The following LUZP2 variants were observed in gnomAD, a reference collection of about 807,000 sequenced individuals.
LUZP2 encodes the protein leucine zipper protein 2.
A neutral mutation model predicts 51.6 loss-of-function variants in LUZP2; 52 were observed. The ratio of observed to expected loss-of-function variants is 1.01; its 90% CI spans 0.81 to 1.27. The LOEUF is 1.27. LUZP2 is among the 50% of genes most tolerant of loss of function. The pLI, the probability that LUZP2 is intolerant of heterozygous loss-of-function variation, is 0.00. For synonymous variants in LUZP2, 154 were observed against 137.3 expected (o/e 1.12, Z -0.85); for missense variants, 436 against 395.4 (o/e 1.10, Z -0.87).
chr11:24,874,343 G>T (rs552054519), intron 5 of LUZP2, among the ~76,000 whole-genome samples: 2 of 152,222 alleles, frequency 1.3e-5, no homozygotes, highest in South Asian at 2.1e-4. Flanking sequence ...ACACTCAGGG[G>T]GCTGTAGGCA....
intron 9 of LUZP2, among the ~76,000 whole-genome samples, chr11:25,034,793 T>G (rs1314780153): frequency 6.6e-6 from 1 of 152,130 alleles, no homozygotes; most frequent in East Asian, 1.9e-4. Context: ...TCTGTTTTTG[T>G]GCTAGTACTA....
chr11:24,824,945 C>T (rs980633159), intron 5 of LUZP2, among the ~76,000 whole-genome samples: 4 of 152,100 alleles, frequency 2.6e-5, no homozygotes, highest in South Asian at 4.1e-4. Flanking sequence ...GTTAATGAAA[C>T]TATAGGCTCT....
chr11:24,853,980 C>G (rs895555947), intron 5 of LUZP2, among the ~76,000 whole-genome samples: 3 of 152,078 alleles, frequency 2.0e-5, no homozygotes, highest in Non-Finnish European at 4.4e-5. Context: ...CCGCCTGTTC[C>G]TCCCTCTGGA....
At chr11:24,593,692 C>T (rs1428708794) in intron 1 of LUZP2, among the ~76,000 whole-genome samples, 1 of 152,182 alleles carries the variant, frequency 6.6e-6, no homozygotes, top group Non-Finnish European at 1.5e-5. Flanking sequence ...TAGAACAGTA[C>T]CCGCAGTGAG....
At chr11:24,776,778 G>A (rs1194884765) in intron 5 of LUZP2, among the ~76,000 whole-genome samples, 1 of 152,124 alleles carries the variant, frequency 6.6e-6, no homozygotes, top group African/African-American at 2.4e-5. Flanking sequence ...CTAGTCATAT[G>A]ATGGTAGGAA....
chr11:24,906,950 T>G (rs575476491), intron 6 of LUZP2, among the ~76,000 whole-genome samples: 33 of 152,190 alleles, frequency 2.2e-4, no homozygotes, highest in Non-Finnish European at 3.5e-4. Flanking sequence ...GTCTCAGAGT[T>G]GTCTAGAAGT....
At chr11:24,890,807 A>T in intron 5 of LUZP2, 1 of 623,948 alleles carries the variant, frequency 1.6e-6, no homozygotes, top group Non-Finnish European at 2.0e-6. Flanking sequence ...GTACATATTT[A>T]TATGAATATG....
At chr11:25,063,457 AAGAC>A (rs1381556877) in intron 10 of LUZP2, among the ~76,000 whole-genome samples, 2 of 151,980 alleles carry the variant, frequency 1.3e-5, no homozygotes, top group African/African-American at 2.4e-5. Flanking sequence ...AGCATTGTAA[AAGAC>A]AGAAAGGGAA....
chr11:24,874,528 C>A (rs575411056), intron 5 of LUZP2, among the ~76,000 whole-genome samples: 1 of 152,248 alleles, frequency 6.6e-6, no homozygotes, highest in African/African-American at 2.4e-5. Context: ...CTGTGCCATG[C>A]TGCACCGGAT....
chr11:24,889,439 T>C (rs1273851082), intron 5 of LUZP2, among the ~76,000 whole-genome samples: 2 of 152,212 alleles, frequency 1.3e-5, no homozygotes, highest in African/African-American at 4.8e-5. Context: ...AAATCTATTC[T>C]CAGATAAACT....
At chr11:24,671,959 T>C (rs1856414318) in intron 1 of LUZP2, among the ~76,000 whole-genome samples, 1 of 152,112 alleles carries the variant, frequency 6.6e-6, no homozygotes, top group Admixed American at 6.6e-5. Flanking sequence ...AACCACTCAA[T>C]TTGCCATGCA....
intron 10 of LUZP2, among the ~76,000 whole-genome samples, chr11:25,055,384 T>A (rs1858655538): frequency 6.6e-6 from 1 of 152,168 alleles, no homozygotes. Context: ...TTCTTTTGTC[T>A]TTATTTTTCT....
chr11:24,984,527 T>TAC (rs1554949978), intron 9 of LUZP2, among the ~76,000 whole-genome samples: 1 of 62,770 alleles, frequency 1.6e-5, no homozygotes, highest in East Asian at 4.8e-4. Flanking sequence ...ACATATTTTA[T>TAC]ATATATATAT....
At chr11:25,049,597 A>G (rs887779687) in intron 9 of LUZP2, among the ~76,000 whole-genome samples, 5 of 152,256 alleles carry the variant, frequency 3.3e-5, no homozygotes, top group African/African-American at 9.6e-5. Flanking sequence ...TCCACTATGT[A>G]TATTATGAAG....
At chr11:24,961,700 C>G (rs113821005) in intron 7 of LUZP2, among the ~76,000 whole-genome samples, 2,544 of 152,150 alleles carry the variant, frequency 0.017, 38 homozygotes, top group South Asian at 0.083. Context: ...ACTCTTTATC[C>G]AATTTGCCTG....
chr11:24,735,658 A>G (rs1225435254), intron 3 of LUZP2, among the ~76,000 whole-genome samples: 1 of 151,978 alleles, frequency 6.6e-6, no homozygotes, highest in Admixed American at 6.6e-5. Flanking sequence ...TTTTATAGCT[A>G]TAATTTGGGA....
chr11:24,539,167 G>A (rs986973155), intron 1 of LUZP2, among the ~76,000 whole-genome samples: 2 of 151,694 alleles, frequency 1.3e-5, no homozygotes, highest in African/African-American at 2.4e-5. Flanking sequence ...TAAAACATTG[G>A]ATCTGGAACA....
intron 7 of LUZP2, among the ~76,000 whole-genome samples, chr11:24,934,428 C>T (rs1195201458): frequency 6.6e-6 from 1 of 152,130 alleles, no homozygotes; most frequent in Non-Finnish European, 1.5e-5. Flanking sequence ...TCTATTATTT[C>T]CCGTTCTTAC....
chr11:25,013,117 G>A (rs191658235), intron 9 of LUZP2, among the ~76,000 whole-genome samples: 12 of 152,124 alleles, frequency 7.9e-5, no homozygotes, highest in East Asian at 7.7e-4. Flanking sequence ...GAAATAAGCC[G>A]GGGACCAAAA....
Sources: allele counts gnomAD v4.1 joint callset (sites outside exome capture counted in the v4.1 genomes callset), GRCh38; gene constraint gnomAD v4.1.1; transcripts MANE v1.5; gene names NCBI Gene and HGNC (gene_info 2026-07-23, HGNC 2026-07-21).